The following UBR7 variants were observed in gnomAD, a reference collection of about 807,000 sequenced individuals.
UBR7 encodes ubiquitin protein ligase E3 component n-recognin 7, also known as putative E3 ubiquitin-protein ligase UBR7.
UBR7 carries 22 observed loss-of-function variants against 57.0 expected under a neutral mutation model. The ratio of observed to expected loss-of-function variants is 0.39; its 90% CI spans 0.28 to 0.55. The LOEUF (loss-of-function observed/expected upper bound fraction) is 0.55. Among genes scored for constraint, UBR7 ranks in the 20% least tolerant of loss-of-function variants. The pLI, the probability that UBR7 is intolerant of heterozygous loss-of-function variation, is 0.69. For synonymous variants in UBR7, 167 were observed against 179.8 expected (o/e 0.93, Z 0.57); for missense variants, 395 against 513.2 (o/e 0.77, Z 2.23).
intron 1 of UBR7, among the ~76,000 whole-genome samples, chr14:93,207,702 C>T (rs1188095207): frequency 1.3e-5 from 2 of 152,162 alleles, no homozygotes; most frequent in African/African-American, 4.8e-5. Context: ...GGCCCTGGAG[C>T]AGCTGCTCTG....
At position 93,228,881 on chromosome 14, in the gene UBR7, C is replaced by T; in HGVS notation, c.*1846C>T. 1 of 454,110 alleles carries T rather than the reference C, an allele frequency of 2.2e-6. No individual in the cohort carries two copies. Among genetic ancestry groups the T allele is most frequent in the South Asian group, 1.6e-5 (1 of 64,480 alleles). The allele number at this position is 454,110 out of a possible 1,614,324, so 28.1% of individuals were successfully genotyped here. ...TGGAGGTGATGTGTTACATTACGTG[C>T]AGCACAATAGTACCGATCAGTTAAC... On this transcript the variant is annotated 3_prime_UTR_variant, in exon 11 of 11. Transcript: ENST00000013070.
intron 6 of UBR7, among the ~76,000 whole-genome samples, chr14:93,218,176 G>A (rs1393328174): frequency 6.6e-6 from 1 of 152,040 alleles, no homozygotes; most frequent in African/African-American, 2.4e-5. Flanking sequence ...TTGGGAGGCT[G>A]AGGCAGGCAG....
chr14:93,219,331 T>C lies in UBR7; in HGVS notation c.930T>C (p.Arg310=). The C allele has an allele frequency of 6.2e-7, 1 of 1,614,214 alleles. No individual in the cohort carries two copies. Among genetic ancestry groups the C allele is most frequent in the Non-Finnish European group, 8.5e-7 (1 of 1,180,028 alleles). ...CCACCTATTGGCCCCTGAACTGGCG[T>C]AGCAAGTTGTGTACCTGCCAAGACT... The part of the protein sequence containing the change: ...DTATYWPLNW[R]SKLCTCQDCM... The change falls in exon 8 of 11, where the codon CGT becomes CGC. Residue 310 remains arginine (R), a synonymous_variant. Transcript: ENST00000013070.
chr14:93,227,593 T>C lies in UBR7; in HGVS notation c.*558T>C. The C allele has an allele frequency of 1.4e-6, 1 of 700,400 alleles. No homozygotes were observed. Among genetic ancestry groups the C allele is most frequent in the Non-Finnish European group, 2.6e-6 (1 of 384,814 alleles). 43.4% of individuals were successfully genotyped at this position (700,400 alleles called of 1,614,324 possible). ...AGAAAGGATCTTGGGGCTTGTTTTC[T>C]CTAGGCCCAACCTCCAGAGTAGCCA... On this transcript the variant is annotated 3_prime_UTR_variant, in exon 11 of 11. Coordinates refer to ENST00000013070, the MANE Select transcript of UBR7 (RefSeq NM_175748.4).
At chr14:93,212,273 G>A (rs1472456342) in intron 4 of UBR7, 146 bp downstream of exon 4, 3 of 659,440 alleles carry the variant, frequency 4.5e-6, no homozygotes, top group Non-Finnish European at 8.1e-6. Flanking sequence ...ATGAATCTGG[G>A]TTGGATCTAT....
rs1894908113 is a variant in UBR7 at position 93,228,258 on chromosome 14, TATGAG to T, written c.*1226_*1230del. ...TTTGAGGGGAAGTCCTTTCAGTTGATATGAGATCTCTTTAACACCCCTCAGTCTAT... is the reference window on the plus strand; with the variant it reads ...TTTGAGGGGAAGTCCTTTCAGTTGATATCTCTTTAACACCCCTCAGTCTAT... On this transcript the variant is annotated 3_prime_UTR_variant, in exon 11 of 11. Transcript: ENST00000013070. 2.1e-6 allele frequency: 1 copy of T among 468,510 alleles called. No homozygotes were observed. 29.0% of individuals were successfully genotyped at this position (468,510 alleles called of 1,614,324 possible).
intron 6 of UBR7, among the ~76,000 whole-genome samples, chr14:93,216,907 C>T (rs946431752): frequency 1.3e-5 from 2 of 151,566 alleles, no homozygotes; most frequent in African/African-American, 4.8e-5. Context: ...TGAGCCACCA[C>T]GCCCGGCCAG....
At chr14:93,208,676 T>C (rs1252817086) in intron 1 of UBR7, among the ~76,000 whole-genome samples, 1 of 151,896 alleles carries the variant, frequency 6.6e-6, no homozygotes, top group Non-Finnish European at 1.5e-5. Flanking sequence ...AAAGGCTTAT[T>C]GGAATAGAAC....
intron 10 of UBR7, among the ~76,000 whole-genome samples, chr14:93,222,615 C>T (rs540840432): frequency 6.6e-6 from 1 of 151,946 alleles, no homozygotes; most frequent in South Asian, 2.1e-4. Context: ...TGGTGATGGG[C>T]GCCTGTAGTC....
intron 10 of UBR7, among the ~76,000 whole-genome samples, chr14:93,226,302 T>G (rs1322958413): frequency 6.6e-6 from 1 of 152,192 alleles, no homozygotes; most frequent in Non-Finnish European, 1.5e-5. Flanking sequence ...TTCCTTCACT[T>G]TCCTTGTCTC....
At chr14:93,223,302 G>A (rs1384799972) in intron 10 of UBR7, among the ~76,000 whole-genome samples, 2 of 149,352 alleles carry the variant, frequency 1.3e-5, no homozygotes, top group Non-Finnish European at 2.9e-5. Context: ...GGCTGAGGCA[G>A]GAGAAACGCT....
Position 93,207,301 on chromosome 14 carries a change from G to A in UBR7, c.10G>A (p.Ala4Thr), listed in dbSNP as rs781332457. 6.4e-7 allele frequency: 1 copy of A among 1,555,316 alleles called. No homozygotes were observed. The highest frequency in any genetic ancestry group is 1.2e-5 in the South Asian group (1 of 84,514). Residue 4 changes from alanine to threonine, a missense_variant, in exon 1 of 11, where the codon GCC becomes ACC. Physicochemically the swap from Ala to Thr is moderately conservative, Grantham distance 58 (BLOSUM62 0). Coordinates refer to ENST00000013070, the MANE Select transcript of UBR7 (RefSeq NM_175748.4). ...CGGCTGACAGTTGAGGATGGCCGGA[G>A]CCGAGGGCGCCGCTGGGCGGCAGTC... MAG[A>T]EGAAGRQSEL...
intron 6 of UBR7, 49 bp from the exon 7 acceptor site, chr14:93,218,478 G>C (rs776671958): frequency 8.1e-6 from 12 of 1,473,450 alleles, no homozygotes; most frequent in Non-Finnish European, 1.1e-5. Flanking sequence ...TTGTCCGTTA[G>C]GTCAGTGGAT....
chr14:93,208,522 T>G (rs1206266018), intron 1 of UBR7, among the ~76,000 whole-genome samples: 1 of 151,856 alleles, frequency 6.6e-6, no homozygotes, highest in Non-Finnish European at 1.5e-5. Context: ...TGAAGTGTAG[T>G]TACCTTTATA....
At chr14:93,217,718 C>T (rs1894618415) in intron 6 of UBR7, among the ~76,000 whole-genome samples, 1 of 152,168 alleles carries the variant, frequency 6.6e-6, no homozygotes, top group South Asian at 2.1e-4. Context: ...CCTAAAGAAG[C>T]GTTGGAATTT....
rs139188211 is a variant in UBR7 at position 93,225,757 on chromosome 14, C to G, written c.1186-1186C>G. ...TTTCTACTCTGCACGTTAGCTGTGA[C>G]CATTTGAGGATATCCAGAAACCAAA... On this transcript the variant is annotated intron_variant, in intron 10 of 10. Transcript: ENST00000013070. Among the ~76,000 whole-genome samples the G allele has an allele frequency of 1.5e-3, 232 of 152,322 alleles. 3 individuals are homozygous for G. The highest frequency in any genetic ancestry group is 0.014 in the Middle Eastern group (4 of 294).
chr14:93,208,690 A>C (rs1566819598), intron 1 of UBR7, among the ~76,000 whole-genome samples: 1 of 149,358 alleles, frequency 6.7e-6, no homozygotes, highest in Non-Finnish European at 1.5e-5. Context: ...ATAGAACTTT[A>C]AAAAAAAAAG....
At chr14:93,224,060 AG>A in intron 10 of UBR7, 4 of 1,019,552 alleles carry the variant, frequency 3.9e-6, no homozygotes, top group Non-Finnish European at 6.1e-6. Flanking sequence ...CATGTGGTAG[AG>A]GGGCGGTGTG....
chr14:93,211,648 A>G (rs1300360238), intron 3 of UBR7, among the ~76,000 whole-genome samples: 1 of 152,028 alleles, frequency 6.6e-6, no homozygotes, highest in Non-Finnish European at 1.5e-5. Context: ...AATGGCTTGA[A>G]CCCAGACCAG....
Sources: gnomAD v4.1 joint callset for allele counts (sites outside exome capture counted in the v4.1 genomes callset) on GRCh38, gnomAD v4.1.1 for gene constraint, MANE v1.5 for transcripts, NCBI Gene and HGNC (gene_info 2026-07-23, HGNC 2026-07-21) for gene names.